SLMAP: variants seen among roughly 807,000 people sequenced by gnomAD.
SLMAP encodes sarcolemma associated protein, also known as sarcolemmal membrane-associated protein.
In SLMAP, 44 loss-of-function variants were observed where a neutral mutation model predicts 128.8. The observed-to-expected ratio is 0.34, with a 90% CI of 0.27 to 0.44. The LOEUF (loss-of-function observed/expected upper bound fraction) is 0.44. SLMAP is among the 20% of genes least tolerant of loss of function. SLMAP has a pLI of 1.00. For missense variants in SLMAP, 787 were observed against 985.3 expected (o/e 0.80, Z 2.69); for synonymous variants, 327 against 348.8 (o/e 0.94, Z 0.70).
chr3:57,765,253 G>A (rs2153434643), intron 2 of SLMAP, among the ~76,000 whole-genome samples: 1 of 152,308 alleles, frequency 6.6e-6, no homozygotes, highest in East Asian at 1.9e-4. Flanking sequence ...TCAAAAACTT[G>A]TATTTGCCAG....
intron 10 of SLMAP, among the ~76,000 whole-genome samples, chr3:57,864,171 G>A (rs1331520107): frequency 6.6e-6 from 1 of 152,176 alleles, no homozygotes; most frequent in Non-Finnish European, 1.5e-5. Flanking sequence ...ACTTTGGGAG[G>A]CCAAGGTGGG....
At position 57,896,446 on chromosome 3, in the gene SLMAP, A is replaced by C. The variant is rs924162103; in HGVS notation, c.1361-65A>C. ...TAGATTTTGAGCATTCATAGCCTGA[A>C]GCAGTTTTATTGATATAAGATATTT... is the stretch of plus-strand genomic sequence containing the variant. On this transcript the variant is annotated intron_variant, in intron 15 of 24. Transcript: ENST00000671191. 2.1e-5 allele frequency: 32 copies of C among 1,492,778 alleles called. 1 individual carries two copies. The highest frequency in any genetic ancestry group is 4.2e-4 in the Middle Eastern group (2 of 4,810). 92.5% of individuals were successfully genotyped at this position (1,492,778 alleles called of 1,614,324 possible). A position where few individuals can be genotyped will look rare whatever the true frequency, so the allele number is the denominator to read the frequency against.
intron 13 of SLMAP, among the ~76,000 whole-genome samples, chr3:57,870,440 A>G (rs967468845): frequency 6.6e-6 from 1 of 152,062 alleles, no homozygotes; most frequent in African/African-American, 2.4e-5. Context: ...CTAGGTATGT[A>G]GTGCATTGGT....
chr3:57,778,368 CTT>C (rs967410636), intron 2 of SLMAP, among the ~76,000 whole-genome samples: 3 of 142,736 alleles, frequency 2.1e-5, no homozygotes, highest in Admixed American at 7.0e-5. Context: ...TAATGTGTGC[CTT>C]TTTTTTTTTC....
intron 14 of SLMAP, among the ~76,000 whole-genome samples, chr3:57,882,845 A>G (rs1299878804): frequency 6.6e-6 from 1 of 151,866 alleles, no homozygotes; most frequent in Non-Finnish European, 1.5e-5. Context: ...ACATGTCAGT[A>G]TGTAGATCTT....
At chr3:57,918,845 C>T (rs535397665) in intron 22 of SLMAP, among the ~76,000 whole-genome samples, 1 of 152,228 alleles carries the variant, frequency 6.6e-6, no homozygotes, top group South Asian at 2.1e-4. Flanking sequence ...TAAAATATTA[C>T]AAGCTAAGCA....
chr3:57,796,408 C>T (rs1457260288), intron 2 of SLMAP, among the ~76,000 whole-genome samples: 1 of 152,092 alleles, frequency 6.6e-6, no homozygotes, highest in Non-Finnish European at 1.5e-5. Flanking sequence ...GATCGTGGAG[C>T]CTGACTACCT....
chr3:57,827,461 G>C (rs1446141567), intron 2 of SLMAP, among the ~76,000 whole-genome samples: 1 of 152,244 alleles, frequency 6.6e-6, no homozygotes. Flanking sequence ...AGTGACTGAT[G>C]AGACAGGGGT....
intron 2 of SLMAP, among the ~76,000 whole-genome samples, chr3:57,771,165 T>TCCCCC (rs1244561743): frequency 1.2e-5 from 1 of 80,172 alleles, no homozygotes; most frequent in African/African-American, 4.7e-5. Context: ...TCCCCTCCCC[T>TCCCCC]CCCCTCCCCT....
intron 2 of SLMAP, among the ~76,000 whole-genome samples, chr3:57,772,056 G>A (rs1464540647): frequency 6.6e-6 from 1 of 152,226 alleles, no homozygotes. Context: ...TCTTCAAGGA[G>A]TTTCTCGTTT....
chr3:57,810,849 A>G (rs1012876256), intron 2 of SLMAP, among the ~76,000 whole-genome samples: 5 of 151,926 alleles, frequency 3.3e-5, no homozygotes, highest in African/African-American at 4.8e-5. Context: ...ATTCTTTACA[A>G]TTTCCTTTGG....
At chr3:57,925,985 G>A (rs1384743509) in intron 24 of SLMAP, 51 bp downstream of exon 24, 8 of 1,347,170 alleles carry the variant, frequency 5.9e-6, no homozygotes, top group Admixed American at 2.0e-5. Flanking sequence ...TCACCTTTTT[G>A]TGCCATATTT....
In SLMAP at chr3:57,877,831, CTTTTT is replaced by C. The variant is rs57685937; in HGVS notation, c.1300+6151_1300+6155del. On this transcript the variant is annotated intron_variant, in intron 14 of 24. Transcript: ENST00000671191. ...TTGAATTCTAAATGCTTTTTTCCTTCTTTTTTTTTTTTTTTTTTTTTTAAACAGAG... is the reference window on the plus strand; with the variant it reads ...TTGAATTCTAAATGCTTTTTTCCTTCTTTTTTTTTTTTTTTTTAAACAGAG... 8.7e-4 allele frequency among the ~76,000 whole-genome samples: 97 copies of C among 111,638 alleles called. No homozygotes were observed. The Middle Eastern group carries it at 0.015, about 17-fold the overall frequency. The allele number at this position is 111,638 out of a possible 152,430, so 73.2% of individuals were successfully genotyped here.
chr3:57,906,673 AAATATATATAT>A (rs1228837252), intron 17 of SLMAP, among the ~76,000 whole-genome samples: 1 of 30,908 alleles, frequency 3.2e-5, no homozygotes, highest in African/African-American at 6.9e-5. Context: ...TATGAAAAAA[AAATATATATAT>A]ATATATATAT....
chr3:57,874,877 T>G (rs1317057026), intron 14 of SLMAP, among the ~76,000 whole-genome samples: 1 of 151,568 alleles, frequency 6.6e-6, no homozygotes, highest in African/African-American at 2.4e-5. Context: ...AAAAAAAAGC[T>G]TTTTACTTTT....
chr3:57,832,540 G>A (rs905585304), intron 3 of SLMAP, among the ~76,000 whole-genome samples: 6 of 152,116 alleles, frequency 3.9e-5, no homozygotes, highest in Non-Finnish European at 5.9e-5. Flanking sequence ...AAAACCATAA[G>A]TGTTTAGTTC....
In SLMAP at chr3:57,870,566, A is replaced by G. The variant is rs183999337; in HGVS notation, c.1238-1070A>G. ...GTAACTTATTAAAGCATAATGATAAATTTTAGTATAGAATTAAAGAAGGTA... is the reference window on the plus strand; with the variant it reads ...GTAACTTATTAAAGCATAATGATAAGTTTTAGTATAGAATTAAAGAAGGTA... On this transcript the variant is annotated intron_variant, in intron 13 of 24. Transcript: ENST00000671191. 2.2e-3 allele frequency among the ~76,000 whole-genome samples: 329 copies of G among 152,302 alleles called. 1 individual carries two copies. Among genetic ancestry groups the G allele is most frequent in the African/African-American group, 7.7e-3 (319 of 41,552 alleles).
intron 2 of SLMAP, among the ~76,000 whole-genome samples, chr3:57,812,095 C>A (rs1299919238): frequency 6.6e-6 from 1 of 152,120 alleles, no homozygotes; most frequent in East Asian, 1.9e-4. Flanking sequence ...TCCCCTTTGT[C>A]TTTTCTATTG....
rs367940394 is a variant in SLMAP, at chr3:57,813,408, T to C, written c.199-17975T>C. On this transcript the variant is annotated intron_variant, in intron 2 of 24. Coordinates refer to ENST00000671191, the MANE Select transcript of SLMAP (RefSeq NM_001377540.1). ...CCCTGCTGGGTATAAGCTTTTAAAA[T>C]TTTAATAAATATTGCTGAATCATTT... 7.4e-4 allele frequency among the ~76,000 whole-genome samples: 113 copies of C among 152,288 alleles called. 1 individual carries two copies. The South Asian group carries it at 0.022, about 30-fold the overall frequency.
Sources: gnomAD v4.1 joint callset for allele counts (sites outside exome capture counted in the v4.1 genomes callset) on GRCh38, gnomAD v4.1.1 for gene constraint, MANE v1.5 for transcripts, NCBI Gene and HGNC (gene_info 2026-07-23, HGNC 2026-07-21) for gene names.